C7: variants seen among roughly 807,000 people sequenced by gnomAD.
C7 encodes the protein complement component C7.
C7 carries 83 observed loss-of-function variants against 104.8 expected under a neutral mutation model. The observed-to-expected ratio is 0.79, with a 90% CI of 0.66 to 0.95. The LOEUF is 0.95. Ranked by LOEUF, C7 falls within the 40% of genes least tolerant of loss-of-function variation. The pLI, the probability that C7 is intolerant of heterozygous loss-of-function variation, is 0.00. For missense variants in C7, 1,070 were observed against 1,011.2 expected, an observed-to-expected ratio of 1.06 and a Z score of -0.79; for synonymous variants, 415 against 360.6, an observed-to-expected ratio of 1.15 and a Z score of -1.71.
rs1740944426 is a variant in C7, at chr5:40,981,524, A to G, written c.2483A>G (p.Gln828Arg). ...GCGGGCGCTCTGAGATGCAGAGGGC[A>G]GAGCATCTCTGTCACCAGCATAAGG... ...CEAGALRCRG[Q>R]SISVTSIRPC... Residue 828 changes from glutamine (Q) to arginine (R), a missense_variant, in exon 18 of 18, where the codon CAG becomes CGG. By Grantham distance (43) the Gln-to-Arg change is conservative (BLOSUM62 1). Coordinates refer to ENST00000313164, the MANE Select transcript of C7 (RefSeq NM_000587.4). 6 of 1,613,662 alleles carry G rather than the reference A, an allele frequency of 3.7e-6. No homozygotes were observed. In the Admixed American group the frequency reaches 5.0e-5, roughly 13 times the overall value.
chr5:40,909,974 A>ATTTTTTTTTT (rs1259880340), intron 1 of C7, among the ~76,000 whole-genome samples: 2 of 124,632 alleles, frequency 1.6e-5, no homozygotes, highest in East Asian at 2.3e-4. Context: ...CCTCTGGTGT[A>ATTTTTTTTTT]TTTTTTTTTT....
chr5:40,979,653 A>T, intron 16 of C7, 72 bp from the exon 17 acceptor site: 1 of 1,309,138 alleles, frequency 7.6e-7, no homozygotes, highest in Non-Finnish European at 1.1e-6. Context: ...TCAGAGCATC[A>T]CTTTTCATTT....
chr5:40,955,288 G>C, intron 9 of C7, 99 bp from the exon 10 acceptor site: 1 of 1,100,162 alleles, frequency 9.1e-7, no homozygotes, highest in Non-Finnish European at 1.3e-6. Context: ...TCTTTTGACT[G>C]TTTCCATAGT....
At position 40,968,480 on chromosome 5, in the gene C7, T is replaced by G. The variant is rs528449793; in HGVS notation, c.1882+3607T>G. On this transcript the variant is annotated intron_variant, in intron 14 of 17. Coordinates refer to ENST00000313164, the MANE Select transcript of C7 (RefSeq NM_000587.4). ...TTCCAATTTATTAATTCTCTGTATA[T>G]TTCTGTATAATCTCCTTTTAAGAAC... is the stretch of plus-strand genomic sequence containing the variant. Among the ~76,000 whole-genome samples the G allele has an allele frequency of 8.6e-5, 13 of 150,610 alleles. No individual in the cohort carries two copies. In the East Asian group the frequency reaches 2.5e-3, roughly 29 times the overall value.
rs1229583833 is a variant in C7, at chr5:40,934,420, A to G, written c.234A>G (p.Gly78=). The part of the protein sequence containing the change: ...FETQSCEPTR[G]CPTEEGCGER... The stretch of plus-strand genomic sequence containing the variant: ...CACAGTCCTGTGAACCTACAAGAGG[A>G]TGTCCAACAGAGGAGGGATGTGGAG... The change falls in exon 4 of 18, where the codon GGA becomes GGG. Residue 78 remains glycine, a synonymous_variant. Transcript: ENST00000313164. 1 of 1,613,662 alleles carries G rather than the reference A, an allele frequency of 6.2e-7. No individual in the cohort carries two copies. The highest frequency in any genetic ancestry group is 1.3e-5 in the African/African-American group (1 of 74,918).
intron 15 of C7, among the ~76,000 whole-genome samples, chr5:40,974,820 T>A (rs1465714980): frequency 6.6e-6 from 1 of 152,210 alleles, no homozygotes; most frequent in Non-Finnish European, 1.5e-5. Flanking sequence ...CATGGCTTGA[T>A]CATTGACCTT....
intron 1 of C7, among the ~76,000 whole-genome samples, chr5:40,916,201 T>G (rs189964395): frequency 6.6e-6 from 1 of 152,322 alleles, no homozygotes; most frequent in East Asian, 1.9e-4. Context: ...CTAGATTTTG[T>G]TTTTCAATGC....
intron 9 of C7, among the ~76,000 whole-genome samples, chr5:40,954,020 T>C (rs1191710962): frequency 8.6e-5 from 13 of 151,040 alleles, no homozygotes; most frequent in South Asian, 2.1e-4. Flanking sequence ...ATCTGCAAGG[T>C]TGGAAATTTC....
rs1312291169 is a variant in C7 at position 40,983,092 on chromosome 5, C to T, written c.*1519C>T. On this transcript the variant is annotated 3_prime_UTR_variant, in exon 18 of 18. Coordinates refer to ENST00000313164, the MANE Select transcript of C7 (RefSeq NM_000587.4). ...ATGCAGATATAATATGTTGAAGTTACAAGGAGGCAGGTTTCAATTGGTTAA... is the reference window on the plus strand; with the variant it reads ...ATGCAGATATAATATGTTGAAGTTATAAGGAGGCAGGTTTCAATTGGTTAA... 6.6e-6 allele frequency among the ~76,000 whole-genome samples: 1 copy of T among 152,118 alleles called. No individual in the cohort carries two copies. Among genetic ancestry groups the T allele is most frequent in the Admixed American group, 6.5e-5 (1 of 15,272 alleles).
At chr5:40,937,502 G>T (rs752040585) in intron 5 of C7, 50 bp from the exon 6 acceptor site, 3 of 1,545,868 alleles carry the variant, frequency 1.9e-6, no homozygotes, top group African/African-American at 1.4e-5. Flanking sequence ...GCTATTTCTG[G>T]TTTTTAACGG....
chr5:40,910,175 C>A (rs1482917634), intron 1 of C7, among the ~76,000 whole-genome samples: 1 of 151,654 alleles, frequency 6.6e-6, no homozygotes, highest in Admixed American at 6.6e-5. Context: ...TACATGTTGG[C>A]CCAATGCAAA....
intron 2 of C7, among the ~76,000 whole-genome samples, chr5:40,930,854 C>T (rs1004384563): frequency 1.2e-4 from 19 of 152,150 alleles, no homozygotes; most frequent in African/African-American, 4.3e-4. Flanking sequence ...GTTTGAGCCA[C>T]TGTGCCAGCA....
Position 40,916,279 on chromosome 5 carries a change from G to A in C7, c.6+6663G>A, listed in dbSNP as rs111485481. On this transcript the variant is annotated intron_variant, in intron 1 of 17. Transcript: ENST00000313164. The stretch of plus-strand genomic sequence containing the variant: ...AATTTTGTAACCTATCAGATCCTCT[G>A]TATTTATTTAGGCTTGTGCTATCAC... Among the ~76,000 whole-genome samples, 1,132 of 152,174 alleles carry A rather than the reference G, an allele frequency of 7.4e-3. 17 individuals are homozygous for A. Among genetic ancestry groups the A allele is most frequent in the African/African-American group, 0.026 (1,087 of 41,510 alleles).
At chr5:40,943,729 T>C (rs1739991804) in intron 6 of C7, among the ~76,000 whole-genome samples, 1 of 149,286 alleles carries the variant, frequency 6.7e-6, no homozygotes, top group Admixed American at 6.6e-5. Flanking sequence ...ATATATATAT[T>C]CTCCCAGCCC....
At chr5:40,923,669 C>G (rs1410426482) in intron 1 of C7, among the ~76,000 whole-genome samples, 1 of 151,906 alleles carries the variant, frequency 6.6e-6, no homozygotes, top group Non-Finnish European at 1.5e-5. Context: ...TCACTTGAAC[C>G]CAGGGGGTGG....
At chr5:40,936,592 T>G in intron 5 of C7, 107 bp downstream of exon 5, 1 of 1,021,916 alleles carries the variant, frequency 9.8e-7, no homozygotes, top group Non-Finnish European at 1.4e-6. Flanking sequence ...ATAGGCAAGA[T>G]TATTCATTGG....
intron 8 of C7, among the ~76,000 whole-genome samples, chr5:40,948,577 A>G (rs1740098948): frequency 6.6e-6 from 1 of 152,128 alleles, no homozygotes; most frequent in Non-Finnish European, 1.5e-5. Context: ...ATCAGGACAT[A>G]CCCCTGAATT....
intron 17 of C7, 149 bp downstream of exon 17, chr5:40,980,058 C>T: frequency 3.7e-6 from 2 of 541,680 alleles, no homozygotes; most frequent in Non-Finnish European, 6.1e-6. Context: ...ACTGACCTCT[C>T]CTATACCCCT....
chr5:40,917,733 A>T (rs1739350279), intron 1 of C7, among the ~76,000 whole-genome samples: 2 of 152,242 alleles, frequency 1.3e-5, no homozygotes, highest in Non-Finnish European at 2.9e-5. Context: ...TTAAAAAGAT[A>T]AGCAGAGTCA....
Sources: allele counts gnomAD v4.1 joint callset (sites outside exome capture counted in the v4.1 genomes callset), GRCh38; gene constraint gnomAD v4.1.1; transcripts MANE v1.5; gene names NCBI Gene and HGNC (gene_info 2026-07-23, HGNC 2026-07-21).